MED16: variants seen among roughly 807,000 people sequenced by gnomAD.
The protein encoded by MED16 is mediator of RNA polymerase II transcription subunit 16.
MED16 carries 81 observed loss-of-function variants against 84.4 expected under a neutral mutation model. That is an observed-to-expected ratio of 0.96 (90% CI 0.80 to 1.15). MED16 has a LOEUF of 1.15. Ranked by LOEUF, MED16 falls within the 50% of genes most tolerant of loss-of-function variation. The pLI is 0.00. For missense variants in MED16, 1,585 were observed against 1,245.9 expected (o/e 1.27, Z -4.10); for synonymous variants, 897 against 552.2 (o/e 1.62, Z -8.76).
chr19:882,678 T>A (rs1055528410), intron 6 of MED16, among the ~76,000 whole-genome samples: 7 of 152,316 alleles, frequency 4.6e-5, no homozygotes, highest in Non-Finnish European at 1.0e-4. Context: ...CGCAGACACG[T>A]GGGAACCAGG....
At chr19:879,457 C>G (rs1202334276) in intron 8 of MED16, among the ~76,000 whole-genome samples, 4 of 137,144 alleles carry the variant, frequency 2.9e-5, no homozygotes, top group East Asian at 2.4e-4. Context: ...AGCAGCTCGC[C>G]TTCCCCTGGT....
chr19:889,923 G>A (rs1464721136), intron 3 of MED16, 116 bp from the exon 4 acceptor site: 4 of 1,281,280 alleles, frequency 3.1e-6, no homozygotes, highest in South Asian at 1.5e-5. Context: ...GCCCAGGTAG[G>A]GCACAGCAGG....
In MED16 at chr19:888,245, G is replaced by C. The variant is rs548139133; in HGVS notation, c.447+1393C>G. On this transcript the variant is annotated intron_variant, in intron 4 of 15. Coordinates refer to ENST00000325464, the MANE Select transcript of MED16 (RefSeq NM_005481.3). ...AACAAAAAAGATAAAGGTCTGGCCG[G>C]GCTCGTTGGCTCACACCTCTAATCC... Among the ~76,000 whole-genome samples, 123 of 151,492 alleles carry C rather than the reference G, an allele frequency of 8.1e-4. 2 individuals are homozygous for C. The highest frequency in any genetic ancestry group is 6.9e-3 in the Middle Eastern group (2 of 290).
Position 884,825 on chromosome 19 carries a change from G to A in MED16, c.985+78C>T, listed in dbSNP as rs1482665747. 9.3e-6 allele frequency: 11 copies of A among 1,180,092 alleles called. No individual in the cohort carries two copies. The East Asian group carries it at 2.3e-4, about 25-fold the overall frequency. The allele number at this position is 1,180,092 out of a possible 1,614,324, so 73.1% of individuals were successfully genotyped here. A position where few individuals can be genotyped will look rare whatever the true frequency, so the allele number is the denominator to read the frequency against. On this transcript the variant is annotated intron_variant, in intron 6 of 15. Coordinates refer to ENST00000325464, the MANE Select transcript of MED16 (RefSeq NM_005481.3). ...GTTCAGGACCACCCTGGGTGACACA[G>A]CAAGACCTGCCTCCAAAATAAAAAC... is the stretch of plus-strand genomic sequence containing the variant.
In MED16 at chr19:885,926, G is replaced by A. The variant is rs1291838681; in HGVS notation, c.723C>T (p.Phe241=). The change falls in exon 5 of 16, where the codon TTC becomes TTT. Residue 241 remains phenylalanine, a synonymous_variant. Transcript: ENST00000325464. ...TCACCACGCTCACGCACACCTTGTA[G>A]AACTGCACGGGCGACGCGCTGCTGC... ...ADGSSASPVQ[F]YKVCVSVVSE... The A allele has an allele frequency of 6.2e-7, 1 of 1,613,190 alleles. No homozygotes were observed. The highest frequency in any genetic ancestry group is 1.3e-5 in the African/African-American group (1 of 74,942).
rs1375669563 is a variant in MED16 at position 868,911 on chromosome 19, C to T, written c.2351G>A (p.Arg784Lys). ...PGQPKIDHLR[R>K]LHLGACPTEE... is the part of the protein sequence containing the mutation. ...CGTGGGGCAAGCGCCAAGGTGCAGC[C>T]TCCGCAGGTGGTCGATCTTGGGCTG... The change falls in exon 14 of 16, where the codon AGG becomes AAG. Residue 784 changes from arginine to lysine, a missense_variant. Physicochemically the swap from Arg to Lys is conservative, Grantham distance 26. Transcript: ENST00000325464. 1.9e-6 allele frequency: 3 copies of T among 1,551,354 alleles called. No individual in the cohort carries two copies. The highest frequency in any genetic ancestry group is 2.6e-6 in the Non-Finnish European group (3 of 1,152,914).
rs373618894 is a variant in MED16, at chr19:881,205, G to A, written c.1141+354C>T. Among the ~76,000 whole-genome samples the A allele has an allele frequency of 8.1e-4, 123 of 152,306 alleles. 1 individual carries two copies. Among genetic ancestry groups the A allele is most frequent in the South Asian group, 7.3e-3 (35 of 4,824 alleles). ...ACTCACTCATGGGCACGGATGCCAC[G>A]GTTTGAGCTCAGGACCACATTATGG... is the stretch of plus-strand genomic sequence containing the variant. On this transcript the variant is annotated intron_variant, in intron 7 of 15. Transcript: ENST00000325464.
intron 9 of MED16, among the ~76,000 whole-genome samples, chr19:876,451 A>G (rs2036231603): frequency 6.6e-6 from 1 of 152,060 alleles, no homozygotes; most frequent in South Asian, 2.1e-4. Context: ...ACATTCTGAG[A>G]GGATGGCTTA....
rs185697844 is a variant in MED16 at position 869,551 on chromosome 19, C to T, written c.2316-605G>A. On this transcript the variant is annotated intron_variant, in intron 13 of 15. Transcript: ENST00000325464. ...ATCAAGTCTTTTCCTGAAACCCAAA[C>T]CCTCGTGTGTGACTCATTAGGAGGC... Among the ~76,000 whole-genome samples, 95 of 152,290 alleles carry T rather than the reference C, an allele frequency of 6.2e-4. 1 individual carries two copies. The highest frequency in any genetic ancestry group is 2.1e-3 in the African/African-American group (88 of 41,568).
At chr19:873,005 G>C (rs541529522) in intron 11 of MED16, 1,702 of 147,650 alleles carry the variant, frequency 0.012, 54 homozygotes, top group African/African-American at 0.051. Flanking sequence ...CGAGGTGGGG[G>C]AGGGCTCCGA....
In MED16 at chr19:876,967, C is replaced by T. The variant is rs371880839; in HGVS notation, c.1560+7G>A. 270 of 1,396,922 alleles carry T rather than the reference C, an allele frequency of 1.9e-4. No homozygotes were observed. The highest frequency in any genetic ancestry group is 2.3e-5 in the Non-Finnish European group (24 of 1,054,720). The allele number at this position is 1,396,922 out of a possible 1,614,324, so 86.5% of individuals were successfully genotyped here. ...GCCACGGGGCCCCACCTGCCACGGGCCCCCACCTGCTGCAGGGCAGCGGTC... is the reference window on the plus strand; with the variant it reads ...GCCACGGGGCCCCACCTGCCACGGGTCCCCACCTGCTGCAGGGCAGCGGTC... On this transcript the variant is annotated splice_region_variant and intron_variant, in intron 9 of 15. Transcript: ENST00000325464.
intron 14 of MED16, 59 bp downstream of exon 14, chr19:868,804 C>T (rs1448000564): frequency 6.0e-6 from 9 of 1,506,362 alleles, no homozygotes; most frequent in African/African-American, 1.4e-5. Flanking sequence ...GGGCTAGAAT[C>T]AGCTGAGCCA....
chr19:875,577 C>T lies in MED16; in HGVS notation c.1561-123G>A, dbSNP rs527999548. The T allele has an allele frequency of 6.9e-5, 50 of 725,172 alleles. No homozygotes were observed. In the East Asian group the frequency reaches 9.6e-4, roughly 14 times the overall value. The allele number at this position is 725,172 out of a possible 1,614,324, so 44.9% of individuals were successfully genotyped here. ...GCTCGGTCAGCTGGGCAAGCTGCTT[C>T]GCCTCTGCACCTCAGCAACCTCATG... On this transcript the variant is annotated intron_variant, in intron 9 of 15. Transcript: ENST00000325464.
At chr19:876,240 T>C (rs2036225827) in intron 9 of MED16, among the ~76,000 whole-genome samples, 1 of 152,098 alleles carries the variant, frequency 6.6e-6, no homozygotes, top group South Asian at 2.1e-4. Flanking sequence ...GCTGAGCTCG[T>C]TAGATCTGAG....
chr19:891,636 G>A (rs1035828417), intron 1 of MED16, among the ~76,000 whole-genome samples: 70 of 144,664 alleles, frequency 4.8e-4, no homozygotes, highest in African/African-American at 1.6e-3. Context: ...CTGAGTGACA[G>A]GGAACACCTG....
At chr19:884,861 C>T (rs543334881) in intron 6 of MED16, 42 bp downstream of exon 6, 40 of 1,521,252 alleles carry the variant, frequency 2.6e-5, no homozygotes, top group Admixed American at 1.3e-4. Flanking sequence ...CAACCGCCCC[C>T]GAGGGCAGGC....
intron 15 of MED16, 54 bp from the exon 16 acceptor site, chr19:868,305 G>A: frequency 6.3e-7 from 1 of 1,587,670 alleles, no homozygotes; most frequent in South Asian, 1.1e-5. Flanking sequence ...GCGAGCGGTG[G>A]CTCTTGCAGC....
chr19:870,567 A>C (rs1361708298), intron 13 of MED16, among the ~76,000 whole-genome samples: 19 of 36,846 alleles, frequency 5.2e-4, no homozygotes, highest in African/African-American at 2.8e-3. Context: ...TCGGGGAGAC[A>C]AAAAAAAAAA....
In MED16 at chr19:890,165, G is replaced by A. The variant is rs6678; in HGVS notation, c.249C>T (p.Ala83=). ...LHSIPSEHHE[A]ITCLEWDQSG... ...ACTGGTCCCACTCCAGGCAGGTGAT[G>A]GCCTCGTGGTGCTCTGAGGGGATCG... The change falls in exon 3 of 16, where the codon GCC becomes GCT. Residue 83 remains alanine (A), a synonymous_variant. Transcript: ENST00000325464. The A allele has an allele frequency of 0.25, 382,211 of 1,550,394 alleles. 49,669 individuals carry two copies. Among genetic ancestry groups the A allele is most frequent in the Non-Finnish European group, 0.27 (308,835 of 1,146,596 alleles).
Sources: gnomAD v4.1 joint callset for allele counts (sites outside exome capture counted in the v4.1 genomes callset) on GRCh38, gnomAD v4.1.1 for gene constraint, MANE v1.5 for transcripts, NCBI Gene and HGNC (gene_info 2026-07-23, HGNC 2026-07-21) for gene names.